Variants in ATP8B1 observed in about 807,000 individuals in gnomAD.
ATP8B1 encodes the protein ATPase phospholipid transporting 8B1.
In ATP8B1, 80 loss-of-function variants were observed where a neutral mutation model predicts 149.9. The ratio of observed to expected loss-of-function variants is 0.53; its 90% CI spans 0.45 to 0.64. The LOEUF (loss-of-function observed/expected upper bound fraction) is 0.64. Among genes scored for constraint, ATP8B1 ranks in the 30% least tolerant of loss-of-function variants. The pLI, the probability that ATP8B1 is intolerant of heterozygous loss-of-function variation, is 0.00. For missense variants in ATP8B1, 1,247 were observed against 1,552.6 expected, an observed-to-expected ratio of 0.80 and a Z score of 3.31; for synonymous variants, 536 against 562.8, an observed-to-expected ratio of 0.95 and a Z score of 0.67.
At chr18:57,668,229 T>C in intron 19 of ATP8B1, 200 bp downstream of exon 19, 5 of 1,432,084 alleles carry the variant, frequency 3.5e-6, no homozygotes, top group Non-Finnish European at 2.8e-6. Context: ...AGGAAGAAAC[T>C]GCTACTGAGG....
At chr18:57,757,950 C>T (rs967832745) in intron 1 of ATP8B1, among the ~76,000 whole-genome samples, 4 of 152,082 alleles carry the variant, frequency 2.6e-5, no homozygotes, top group Admixed American at 6.6e-5. Flanking sequence ...TTCTTCATTT[C>T]ATGTTGCTCT....
chr18:57,714,193 C>T lies in ATP8B1; in HGVS notation c.182-7606G>A, dbSNP rs145670264. Among the ~76,000 whole-genome samples, 286 of 152,272 alleles carry T rather than the reference C, an allele frequency of 1.9e-3. 8 individuals are homozygous for T. The East Asian group carries it at 0.045, about 24-fold the overall frequency. On this transcript the variant is annotated intron_variant, in intron 2 of 27. Transcript: ENST00000648908. ...TGGTGGTGGACATGGGGAGAGGCCC[C>T]TGAGCCTGTGGAAAGGGCAGAATAG...
intron 1 of ATP8B1, among the ~76,000 whole-genome samples, chr18:57,760,440 T>A (rs894511484): frequency 1.3e-5 from 2 of 152,100 alleles, no homozygotes; most frequent in Non-Finnish European, 2.9e-5. Context: ...AGGAACCCCC[T>A]CTGTGGCCAG....
At chr18:57,739,253 C>T (rs1222323174) in intron 1 of ATP8B1, among the ~76,000 whole-genome samples, 1 of 152,130 alleles carries the variant, frequency 6.6e-6, no homozygotes, top group Non-Finnish European at 1.5e-5. Flanking sequence ...TCACCTTGGC[C>T]TCCCAAAGTG....
intron 8 of ATP8B1, among the ~76,000 whole-genome samples, chr18:57,696,880 A>T (rs1912844513): frequency 6.6e-6 from 1 of 152,174 alleles, no homozygotes; most frequent in Non-Finnish European, 1.5e-5. Context: ...TGCCTTGAAA[A>T]CTGGTCAGAA....
intron 1 of ATP8B1, among the ~76,000 whole-genome samples, chr18:57,745,473 T>C (rs2079955957): frequency 6.6e-6 from 1 of 152,136 alleles, no homozygotes; most frequent in South Asian, 2.1e-4. Flanking sequence ...GGTTTCACCA[T>C]GTTGGCAAGG....
chr18:57,648,876 G>GTA (rs1555687063), intron 27 of ATP8B1, among the ~76,000 whole-genome samples, 164 bp from the exon 28 acceptor site: 15 of 117,306 alleles, frequency 1.3e-4, no homozygotes, highest in East Asian at 9.4e-4. Flanking sequence ...GTGTGTGTGT[G>GTA]TGTGTGTGTG....
At chr18:57,704,220 G>A (rs977337667) in intron 4 of ATP8B1, among the ~76,000 whole-genome samples, 5 of 152,098 alleles carry the variant, frequency 3.3e-5, no homozygotes, top group Non-Finnish European at 5.9e-5. Flanking sequence ...CACCCGCCTC[G>A]GCCTCCCAAA....
chr18:57,671,610 CA>C, intron 16 of ATP8B1, 30 bp from the exon 17 acceptor site: 1 of 1,493,468 alleles, frequency 6.7e-7, no homozygotes, highest in African/African-American at 1.4e-5. Context: ...ATAAACACAA[CA>C]AAGTTTGATT....
rs71171074 is a variant in ATP8B1, at chr18:57,729,549, C to CT, written c.181+2077dup. Among the ~76,000 whole-genome samples, 40 of 120,734 alleles carry CT rather than the reference C, an allele frequency of 3.3e-4. 2 individuals are homozygous for CT. Among genetic ancestry groups the CT allele is most frequent in the African/African-American group, 1.2e-3 (37 of 31,304 alleles). The allele number at this position is 120,734 out of a possible 152,430, so 79.2% of individuals were successfully genotyped here. A position where few individuals can be genotyped will look rare whatever the true frequency, so the allele number is the denominator to read the frequency against. ...GGTGGGAATTCCATTTTCTTTCTTT[C>CT]TTTTTTTTTTTTTTTTTTGAGTTGG... On this transcript the variant is annotated intron_variant, in intron 2 of 27. Transcript: ENST00000648908.
At chr18:57,779,296 C>A (rs1443075992) in intron 1 of ATP8B1, among the ~76,000 whole-genome samples, 2 of 149,910 alleles carry the variant, frequency 1.3e-5, no homozygotes, top group African/African-American at 4.9e-5. Context: ...GCCTGGGCGA[C>A]AGAGTGATAC....
intron 4 of ATP8B1, among the ~76,000 whole-genome samples, chr18:57,704,058 C>T (rs553473755): frequency 6.7e-6 from 1 of 149,816 alleles, no homozygotes; most frequent in South Asian, 2.1e-4. Flanking sequence ...CCTCCGCCTC[C>T]TGGGTTCAAG....
intron 1 of ATP8B1, among the ~76,000 whole-genome samples, chr18:57,752,508 G>A (rs1285885638): frequency 3.3e-5 from 5 of 152,168 alleles, no homozygotes; most frequent in African/African-American, 1.2e-4. Flanking sequence ...TTAGTAGCAT[G>A]CACAGTATGT....
In ATP8B1 at chr18:57,674,042, A is replaced by G. The variant is rs187446712; in HGVS notation, c.1819+792T>C. Among the ~76,000 whole-genome samples the G allele has an allele frequency of 6.6e-5, 10 of 152,218 alleles. No individual in the cohort carries two copies. The East Asian group carries it at 1.9e-3, about 30-fold the overall frequency. On this transcript the variant is annotated intron_variant, in intron 16 of 27. Coordinates refer to ENST00000648908, the MANE Select transcript of ATP8B1 (RefSeq NM_001374385.1). ...AAATAAAAGACTGCTACAAATGTCT[A>G]CCTGCTGCTTCAGAAATGTTCCACC...
chr18:57,725,107 G>A (rs1212149007), intron 2 of ATP8B1, among the ~76,000 whole-genome samples: 20 of 104,582 alleles, frequency 1.9e-4, no homozygotes, highest in African/African-American at 7.3e-4. Context: ...GTGGTGGGGT[G>A]GGGGGAGGGG....
intron 1 of ATP8B1, among the ~76,000 whole-genome samples, chr18:57,764,608 G>A (rs1413706541): frequency 6.6e-6 from 1 of 151,584 alleles, no homozygotes; most frequent in Non-Finnish European, 1.5e-5. Context: ...TAGTAGAGAT[G>A]GGGTTTTACC....
At chr18:57,770,066 CA>C (rs1464700065) in intron 1 of ATP8B1, among the ~76,000 whole-genome samples, 3 of 103,610 alleles carry the variant, frequency 2.9e-5, no homozygotes, top group African/African-American at 1.1e-4. Flanking sequence ...TGCTGAACTG[CA>C]TTTTTTTTTT....
At chr18:57,751,962 T>C (rs1203833895) in intron 1 of ATP8B1, among the ~76,000 whole-genome samples, 4 of 152,080 alleles carry the variant, frequency 2.6e-5, no homozygotes, top group Non-Finnish European at 5.9e-5. Flanking sequence ...TCCCAGCACT[T>C]TGGAGGGCCG....
intron 2 of ATP8B1, among the ~76,000 whole-genome samples, chr18:57,730,704 C>T (rs1192647535): frequency 6.6e-6 from 1 of 152,144 alleles, no homozygotes; most frequent in Non-Finnish European, 1.5e-5. Flanking sequence ...GTCCACAAAG[C>T]CTAAAATGTT....
Sources: allele counts gnomAD v4.1 joint callset (sites outside exome capture counted in the v4.1 genomes callset), GRCh38; gene constraint gnomAD v4.1.1; transcripts MANE v1.5; gene names NCBI Gene and HGNC (gene_info 2026-07-23, HGNC 2026-07-21).